C14orf39: variants seen among roughly 807,000 people sequenced by gnomAD.
C14orf39 encodes the protein chromosome 14 open reading frame 39.
Under a neutral mutation model 85.6 loss-of-function variants are expected in C14orf39, and 66 were observed. The observed-to-expected ratio is 0.77, with a 90% CI of 0.63 to 0.95. C14orf39 has a LOEUF of 0.95. Ranked by LOEUF, C14orf39 falls within the 40% of genes least tolerant of loss-of-function variation. The pLI is 0.00. For synonymous variants in C14orf39, 242 were observed against 214.0 expected (o/e 1.13, Z -1.14); for missense variants, 735 against 663.9 (o/e 1.11, Z -1.18).
In C14orf39 at chr14:60,444,377, CA is replaced by C. The variant is rs141379393; in HGVS notation, c.1504-2247del. Among the ~76,000 whole-genome samples, 674 of 152,226 alleles carry C rather than the reference CA, an allele frequency of 4.4e-3. 23 individuals are homozygous for C. The East Asian group carries it at 0.076, about 17-fold the overall frequency. On this transcript the variant is annotated intron_variant, in intron 16 of 17. Transcript: ENST00000321731. Reference sequence around the variant, plus strand: ...TAAATGGCCTGATGGAGCTGAAAACCATGGCACAAGAACTTCAGGACACATA... The same window carrying C: ...TAAATGGCCTGATGGAGCTGAAAACCTGGCACAAGAACTTCAGGACACATA...
intron 17 of C14orf39, among the ~76,000 whole-genome samples, chr14:60,438,949 TAGAC>T (rs1890384502): frequency 6.6e-6 from 1 of 152,266 alleles, no homozygotes; most frequent in African/African-American, 2.4e-5. Flanking sequence ...AAAATACAGT[TAGAC>T]AGAAGGAATA....
chr14:60,454,644 C>A (rs1346238188), intron 16 of C14orf39, among the ~76,000 whole-genome samples: 2 of 151,956 alleles, frequency 1.3e-5, no homozygotes, highest in Admixed American at 1.3e-4. Flanking sequence ...TATGTATACA[C>A]ATGTAGTTGA....
rs1167326849 is a variant in C14orf39 at position 60,471,558 on chromosome 14, A to G, written c.505T>C (p.Phe169Leu). 1.3e-6 allele frequency: 2 copies of G among 1,591,030 alleles called. No individual in the cohort carries two copies. The highest frequency in any genetic ancestry group is 1.7e-6 in the Non-Finnish European group (2 of 1,172,122). The stretch of plus-strand genomic sequence containing the variant: ...ATAACAAAAATATTAATACCTCGAA[A>G]TTTCATAAAAATTGTTTCATTCATT... ...LKMNETIFMKFRVPAPFPSLT... is the reference protein window; with the variant it reads ...LKMNETIFMKLRVPAPFPSLT... The change falls in exon 6 of 18, where the codon TTT becomes CTT. Residue 169 changes from phenylalanine to leucine, a missense_variant. Phe to Leu is a conservative substitution (Grantham distance 22). Coordinates refer to ENST00000321731, the MANE Select transcript of C14orf39 (RefSeq NM_174978.3).
chr14:60,499,472 G>A (rs900139763), intron 1 of C14orf39: 1 of 152,188 alleles, frequency 6.6e-6, no homozygotes, highest in African/African-American at 2.4e-5. Context: ...AATTGTGGTA[G>A]AATTAGAAAA....
intron 7 of C14orf39, among the ~76,000 whole-genome samples, chr14:60,470,919 C>G (rs1892043402): frequency 6.6e-6 from 1 of 151,990 alleles, no homozygotes; most frequent in African/African-American, 2.4e-5. Flanking sequence ...TTAAGAATTA[C>G]TTAGGCATCT....
In C14orf39 at chr14:60,444,447, T is replaced by C. The variant is rs1890667537; in HGVS notation, c.1504-2316A>G. Among the ~76,000 whole-genome samples the C allele has an allele frequency of 5.9e-5, 9 of 152,174 alleles. No individual in the cohort carries two copies. The South Asian group carries it at 1.9e-3, about 32-fold the overall frequency. On this transcript the variant is annotated intron_variant, in intron 16 of 17. Coordinates refer to ENST00000321731, the MANE Select transcript of C14orf39 (RefSeq NM_174978.3). ...ATTCGATTAAGTGGAAGAAAGGATATCAGTGATTGAAGATCAAATTAATGA... is the reference window on the plus strand; with the variant it reads ...ATTCGATTAAGTGGAAGAAAGGATACCAGTGATTGAAGATCAAATTAATGA...
intron 17 of C14orf39, 151 bp from the exon 18 acceptor site, chr14:60,437,198 G>A: frequency 1.7e-6 from 1 of 589,430 alleles, no homozygotes; most frequent in Non-Finnish European, 2.9e-6. Flanking sequence ...TTCCTCTTAA[G>A]TGCAAGGCAT....
Position 60,466,972 on chromosome 14 carries a change from T to C in C14orf39, c.840A>G (p.Glu280=). Residue 280 remains glutamate, a synonymous_variant, in exon 10 of 18, where the codon GAA becomes GAG. Coordinates refer to ENST00000321731, the MANE Select transcript of C14orf39 (RefSeq NM_174978.3). ...TQSSQLFLPY[E]SQKLVRPIKM... Reference sequence around the variant, plus strand: ...TTATTGGTCTTACTAATTTCTGAGATTCATAAGGAAGAAATAATTGACTGC... The same window carrying C: ...TTATTGGTCTTACTAATTTCTGAGACTCATAAGGAAGAAATAATTGACTGC... The C allele has an allele frequency of 6.8e-7, 1 of 1,463,226 alleles. No individual in the cohort carries two copies. The highest frequency in any genetic ancestry group is 9.1e-7 in the Non-Finnish European group (1 of 1,103,476). The allele number at this position is 1,463,226 out of a possible 1,614,324, so 90.6% of individuals were successfully genotyped here.
At position 60,484,930 on chromosome 14, in the gene C14orf39, C is replaced by G. The variant is rs753728127; in HGVS notation, c.57G>C (p.Gln19His). The change falls in exon 3 of 18, where the codon CAG (glutamine) becomes CAC (histidine). Residue 19 changes from glutamine (Q) to histidine (H), a missense_variant. Gln to His is a conservative substitution (Grantham distance 24). Coordinates refer to ENST00000321731, the MANE Select transcript of C14orf39 (RefSeq NM_174978.3). The surrounding 1 kb of genome is among the most constrained non-coding windows in gnomAD (Gnocchi z 4.2). ...LDRLLLEFVF[Q>H]YEQDISTKEE... ...CTTTAGTACTTATGTCTTGCTCATA[C>G]TGGAAGACTAAAATAAATAATTATC... The G allele has an allele frequency of 6.3e-7, 1 of 1,575,886 alleles. No individual in the cohort carries two copies.
At chr14:60,466,872 T>C (rs903585917) in intron 10 of C14orf39, 45 bp downstream of exon 10, 1 of 1,418,348 alleles carries the variant, frequency 7.1e-7, no homozygotes, top group African/African-American at 1.5e-5. Context: ...CTTCTGTGTG[T>C]TTGCAAAAAA....
In C14orf39 at chr14:60,466,920, C is replaced by A. The variant is rs1891816840; in HGVS notation, c.892G>T (p.Ala298Ser). ...GAATAACAAACAGATATTATACCTG[C>A]AACTCTTGGTTCTGAAGAATGCATC... ...IKMHSSEPRVADIKEESSAKQ... is the reference protein window; with the variant it reads ...IKMHSSEPRVSDIKEESSAKQ... The change falls in exon 10 of 18, where the codon GCA (alanine) becomes TCA (serine). Residue 298 changes from alanine to serine, a missense_variant. Coordinates refer to ENST00000321731, the MANE Select transcript of C14orf39 (RefSeq NM_174978.3). The A allele has an allele frequency of 1.4e-6, 2 of 1,481,438 alleles. No individual in the cohort carries two copies. The highest frequency in any genetic ancestry group is 1.8e-6 in the Non-Finnish European group (2 of 1,120,314). 91.8% of individuals were successfully genotyped at this position (1,481,438 alleles called of 1,614,324 possible).
intron 1 of C14orf39, among the ~76,000 whole-genome samples, 170 bp downstream of exon 1, chr14:60,485,775 C>T (rs986396119): frequency 6.6e-6 from 1 of 152,088 alleles, no homozygotes; most frequent in Non-Finnish European, 1.5e-5. Context: ...GCATCCCCCC[C>T]ATCCCCCGCC....
intron 1 of C14orf39, chr14:60,509,647 G>A (rs1381664484): frequency 6.2e-7 from 1 of 1,613,830 alleles, no homozygotes; most frequent in Admixed American, 1.7e-5. Context: ...CCAAGGAGTC[G>A]CACGCCAAGC....
At chr14:60,500,051 G>A (rs1893118579) in intron 1 of C14orf39, among the ~76,000 whole-genome samples, 2 of 152,060 alleles carry the variant, frequency 1.3e-5, no homozygotes, top group Admixed American at 1.3e-4. Flanking sequence ...TTTTGAGATT[G>A]AGTTTCGCTC....
rs755020208 is a variant in C14orf39, at chr14:60,457,103, T to C, written c.1180-8A>G. The C allele has an allele frequency of 1.3e-6, 2 of 1,522,134 alleles. No homozygotes were observed. Among genetic ancestry groups the C allele is most frequent in the Non-Finnish European group, 1.8e-6 (2 of 1,134,146 alleles). 94.3% of individuals were successfully genotyped at this position (1,522,134 alleles called of 1,614,324 possible). A position where few individuals can be genotyped will look rare whatever the true frequency, so the allele number is the denominator to read the frequency against. ...ATGTTCAGTATATATAGCCTGCAAA[T>C]TCAAAGTAACAGAAAACTATAAAAC... On this transcript the variant is annotated splice_region_variant and splice_polypyrimidine_tract_variant and intron_variant, in intron 14 of 17. Transcript: ENST00000321731.
chr14:60,486,853 G>A (rs566194786), upstream of C14orf39, among the ~76,000 whole-genome samples: 1 of 152,178 alleles, frequency 6.6e-6, no homozygotes, highest in Non-Finnish European at 1.5e-5. Context: ...ATAGTGTGCT[G>A]TCATATTGCT....
In C14orf39 at chr14:60,483,790, T is replaced by C; in HGVS notation, c.134A>G (p.Lys45Arg). The change falls in exon 4 of 18, where the codon AAA becomes AGA. Residue 45 changes from lysine to arginine, a missense_variant. By Grantham distance (26) the Lys-to-Arg change is conservative. Transcript: ENST00000321731. ...NKCCEDIKENKVTICRIHETI... is the reference protein window; with the variant it reads ...NKCCEDIKENRVTICRIHETI... ...TTCGTGTATCCTACAAATAGTTACT[T>C]TGTTTTCCTTAATATCTTCACAGCA... 2 of 1,531,336 alleles carry C rather than the reference T, an allele frequency of 1.3e-6. No individual in the cohort carries two copies. Among genetic ancestry groups the C allele is most frequent in the Non-Finnish European group, 1.8e-6 (2 of 1,111,476 alleles). 94.9% of individuals were successfully genotyped at this position (1,531,336 alleles called of 1,614,324 possible).
rs935953704 is a variant in C14orf39, at chr14:60,455,137, T to C, written c.1367A>G (p.Asn456Ser). ...TTGAACTTCAGGTACTGCATTTCTA[T>C]TTCTGTTACTGAGAAATAAGAAATT... ...PKTPPFEINR[N>S]RNAVPEVQTE... Residue 456 changes from asparagine (N) to serine (S), a missense_variant, in exon 16 of 18, where the codon AAT becomes AGT. Coordinates refer to ENST00000321731, the MANE Select transcript of C14orf39 (RefSeq NM_174978.3). 6.4e-7 allele frequency: 1 copy of C among 1,554,086 alleles called. No individual in the cohort carries two copies. Among genetic ancestry groups the C allele is most frequent in the Non-Finnish European group, 8.6e-7 (1 of 1,156,928 alleles).
At chr14:60,512,153 A>G (rs769712916) in intron 1 of C14orf39, 2 of 152,256 alleles carry the variant, frequency 1.3e-5, no homozygotes, top group African/African-American at 2.4e-5. Flanking sequence ...AGCACAGGTA[A>G]TTATGGCTTG....
Sources: gnomAD v4.1 joint callset for allele counts (sites outside exome capture counted in the v4.1 genomes callset) on GRCh38, gnomAD v4.1.1 for gene constraint, Gnocchi (gnomAD v3.1) non-coding constraint, MANE v1.5 for transcripts, NCBI Gene and HGNC (gene_info 2026-07-23, HGNC 2026-07-21) for gene names.